The following POC1B variants were observed in gnomAD, a reference collection of about 807,000 sequenced individuals.
POC1B encodes the protein POC1 centriolar protein B, also known as POC1 centriolar protein homolog B.
POC1B carries 44 observed loss-of-function variants against 60.6 expected under a neutral mutation model. The ratio of observed to expected loss-of-function variants is 0.73; its 90% CI spans 0.57 to 0.93. The LOEUF (loss-of-function observed/expected upper bound fraction) is 0.93. Ranked by LOEUF, POC1B falls within the 40% of genes least tolerant of loss-of-function variation. The pLI is 0.00. For missense variants in POC1B, 555 were observed against 572.3 expected, an observed-to-expected ratio of 0.97 and a Z score of 0.31; for synonymous variants, 180 against 198.9, an observed-to-expected ratio of 0.90 and a Z score of 0.80.
intron 4 of POC1B, among the ~76,000 whole-genome samples, chr12:89,481,280 G>A (rs1293461087): frequency 1.3e-5 from 2 of 152,224 alleles, no homozygotes; most frequent in African/African-American, 4.8e-5. Context: ...AGAATTTCCA[G>A]TTCTGGCCAT....
chr12:89,513,034 G>A (rs769738333), intron 2 of POC1B, among the ~76,000 whole-genome samples: 1 of 152,008 alleles, frequency 6.6e-6, no homozygotes, highest in Non-Finnish European at 1.5e-5. Context: ...ACATTATTTG[G>A]GGTGAGACCT....
chr12:89,486,571 G>A (rs1371962017), intron 4 of POC1B, among the ~76,000 whole-genome samples: 1 of 152,146 alleles, frequency 6.6e-6, no homozygotes, highest in African/African-American at 2.4e-5. Context: ...AGGACAAGGA[G>A]TCACTGAGGG....
chr12:89,472,840 C>A (rs1305635016), intron 4 of POC1B: 1 of 152,486 alleles, frequency 6.6e-6, no homozygotes, highest in Non-Finnish European at 1.5e-5. Flanking sequence ...TAGGACAATT[C>A]ATTTATACAG....
intron 4 of POC1B, among the ~76,000 whole-genome samples, chr12:89,486,371 A>G (rs1305172421): frequency 6.6e-6 from 1 of 152,140 alleles, no homozygotes; most frequent in Non-Finnish European, 1.5e-5. Flanking sequence ...GATGCAGAGC[A>G]GGTTGTGAAG....
At chr12:89,479,549 C>CT (rs1472318138) in intron 4 of POC1B, among the ~76,000 whole-genome samples, 5 of 150,698 alleles carry the variant, frequency 3.3e-5, no homozygotes, top group African/African-American at 1.2e-4. Flanking sequence ...TATGGTATAC[C>CT]TTATTTATTT....
intron 2 of POC1B, chr12:89,522,121 A>T (rs1411332951): frequency 5.0e-6 from 2 of 398,888 alleles, no homozygotes; most frequent in African/African-American, 4.1e-5. Context: ...ATTAATATAT[A>T]CATCAGTGAA....
At chr12:89,524,595 C>T (rs1351801053) in intron 2 of POC1B, 1 of 1,600,454 alleles carries the variant, frequency 6.2e-7, no homozygotes, top group South Asian at 1.1e-5. Context: ...CAAGCCACCA[C>T]GCAGGGGAAG....
intron 10 of POC1B, among the ~76,000 whole-genome samples, chr12:89,431,259 A>G (rs539663011): frequency 2.6e-5 from 4 of 152,226 alleles, no homozygotes; most frequent in Non-Finnish European, 4.4e-5. Flanking sequence ...AAACAGATAA[A>G]AGGCAGAAAA....
chr12:89,447,830 T>C (rs1161444767), intron 10 of POC1B, among the ~76,000 whole-genome samples: 1 of 152,066 alleles, frequency 6.6e-6, no homozygotes, highest in Non-Finnish European at 1.5e-5. Context: ...AAAATTCCTA[T>C]GAAAGTTCCA....
At chr12:89,428,912 A>G (rs1880898104) in intron 10 of POC1B, 3 of 152,118 alleles carry the variant, frequency 2.0e-5, no homozygotes, top group Non-Finnish European at 4.4e-5. Flanking sequence ...TATAACCAAG[A>G]CAGTTTTTTT....
chr12:89,488,912 A>C (rs185573370), intron 4 of POC1B, among the ~76,000 whole-genome samples: 78 of 152,226 alleles, frequency 5.1e-4, no homozygotes, highest in Middle Eastern at 6.8e-3. Flanking sequence ...TGCCAACCAT[A>C]CCCAGAGCTG....
At chr12:89,501,804 A>G (rs1322382387) in intron 2 of POC1B, 14 of 1,080,848 alleles carry the variant, frequency 1.3e-5, no homozygotes, top group Non-Finnish European at 1.9e-5. Flanking sequence ...CAAATCAGTC[A>G]TCTAAGAATA....
Position 89,521,098 on chromosome 12 carries a change from A to ATTTTTTTTTTTTTTT in POC1B, c.100+4021_100+4022insAAAAAAAAAAAAAAA, listed in dbSNP as rs201411448. On this transcript the variant is annotated intron_variant, in intron 2 of 11. Coordinates refer to ENST00000313546, the MANE Select transcript of POC1B (RefSeq NM_172240.3). ...CACTTCAGGTGAGTTCAGCTCACTT[A>ATTTTTTTTTTTTTTT]TTTTATTATTATTTTTTTTTTTTGA... 2 of 113,250 alleles carry ATTTTTTTTTTTTTTT rather than the reference A, an allele frequency of 1.8e-5. 1 individual carries two copies. Among genetic ancestry groups the ATTTTTTTTTTTTTTT allele is most frequent in the Non-Finnish European group, 3.6e-5 (2 of 55,070 alleles). 7.0% of individuals were successfully genotyped at this position (113,250 alleles called of 1,614,324 possible). A position where few individuals can be genotyped will look rare whatever the true frequency, so the allele number is the denominator to read the frequency against.
intron 10 of POC1B, among the ~76,000 whole-genome samples, chr12:89,437,552 G>A (rs901708232): frequency 6.6e-6 from 1 of 152,062 alleles, no homozygotes; most frequent in Admixed American, 6.6e-5. Context: ...AGCTGTATCT[G>A]TAACTTTTCT....
chr12:89,511,994 T>G (rs1055442188), intron 2 of POC1B, among the ~76,000 whole-genome samples: 1 of 152,174 alleles, frequency 6.6e-6, no homozygotes, highest in African/African-American at 2.4e-5. Context: ...ATTGGGGCTG[T>G]AGTGAGCTGA....
chr12:89,518,041 T>C lies in POC1B; in HGVS notation c.100+7079A>G, dbSNP rs146908571. Among the ~76,000 whole-genome samples, 18 of 152,064 alleles carry C rather than the reference T, an allele frequency of 1.2e-4. No homozygotes were observed. The East Asian group carries it at 3.1e-3, about 26-fold the overall frequency. On this transcript the variant is annotated intron_variant, in intron 2 of 11. Transcript: ENST00000313546. ...ATAAAGCTTGGCACGAATGAAAAAG[T>C]AGTACCCCAATAATTATTAAGTTAG...
chr12:89,509,438 TC>T (rs1229479093), intron 2 of POC1B, among the ~76,000 whole-genome samples: 1 of 152,086 alleles, frequency 6.6e-6, no homozygotes, highest in African/African-American at 2.4e-5. Context: ...CCTTTTTTTT[TC>T]CCCTCCAAAA....
chr12:89,506,962 T>C (rs1192633823), intron 2 of POC1B, among the ~76,000 whole-genome samples: 1 of 152,074 alleles, frequency 6.6e-6, no homozygotes, highest in Non-Finnish European at 1.5e-5. Flanking sequence ...GAAAGTGGGA[T>C]CAAAGCCAGA....
intron 10 of POC1B, among the ~76,000 whole-genome samples, chr12:89,458,479 T>G (rs1219112913): frequency 6.6e-6 from 1 of 152,208 alleles, no homozygotes; most frequent in Non-Finnish European, 1.5e-5. Context: ...GGAATTCCCT[T>G]TAACCATCAG....
Sources: allele counts gnomAD v4.1 joint callset (sites outside exome capture counted in the v4.1 genomes callset), GRCh38; gene constraint gnomAD v4.1.1; transcripts MANE v1.5; gene names NCBI Gene and HGNC (gene_info 2026-07-23, HGNC 2026-07-21).